The following PAIP1 variants were observed in gnomAD, a reference collection of about 807,000 sequenced individuals.
The protein encoded by PAIP1 is polyadenylate-binding protein-interacting protein 1.
A neutral mutation model predicts 61.3 loss-of-function variants in PAIP1; 16 were observed. The ratio of observed to expected loss-of-function variants is 0.26; its 90% CI spans 0.18 to 0.40. The LOEUF (loss-of-function observed/expected upper bound fraction) is 0.40. Ranked by LOEUF, PAIP1 falls within the 10% of genes least tolerant of loss-of-function variation. The pLI, the probability that PAIP1 is intolerant of heterozygous loss-of-function variation, is 1.00. For synonymous variants in PAIP1, 187 were observed against 226.2 expected (o/e 0.83, Z 1.56); for missense variants, 416 against 600.9 (o/e 0.69, Z 3.22).
At chr5:43,551,353 G>T (rs186362204) in intron 2 of PAIP1, among the ~76,000 whole-genome samples, 1 of 152,042 alleles carries the variant, frequency 6.6e-6, no homozygotes, top group Admixed American at 6.6e-5. Context: ...CATTAACAAG[G>T]AATTGGTTAA....
chr5:43,545,943 A>AT (rs985770197), intron 3 of PAIP1, among the ~76,000 whole-genome samples: 163 of 149,696 alleles, frequency 1.1e-3, no homozygotes, highest in Admixed American at 3.1e-3. Context: ...CTAATTTTGT[A>AT]TTTTTTTTTA....
Position 43,541,753 on chromosome 5 carries a change from AAGAAAACTAG to A in PAIP1, c.734+1241_734+1250del, listed in dbSNP as rs560916940. On this transcript the variant is annotated intron_variant, in intron 4 of 10. Transcript: ENST00000306846. ...CTTGTTACTGAAGACATCAAATTAT[AAGAAAACTAG>A]TTTTCTCTAAATTAGCTTATAAATT... 4.6e-3 allele frequency among the ~76,000 whole-genome samples: 532 copies of A among 116,376 alleles called. 3 individuals carry two copies. Among genetic ancestry groups the A allele is most frequent in the African/African-American group, 0.018 (521 of 29,056 alleles). 76.3% of individuals were successfully genotyped at this position (116,376 alleles called of 152,430 possible).
At chr5:43,538,485 C>T (rs1029134135) in intron 5 of PAIP1, among the ~76,000 whole-genome samples, 3 of 151,952 alleles carry the variant, frequency 2.0e-5, no homozygotes, top group African/African-American at 7.3e-5. Flanking sequence ...TTTTAAAAAA[C>T]TATTTGGGTG....
Position 43,555,973 on chromosome 5 carries a change from G to A in PAIP1, c.292C>T (p.Pro98Ser). The change falls in exon 2 of 11, where the codon CCT becomes TCT. Residue 98 changes from proline to serine, a missense_variant. By Grantham distance (74) the Pro-to-Ser change is moderately conservative. Coordinates refer to ENST00000306846, the MANE Select transcript of PAIP1 (RefSeq NM_006451.5). ...TGTGGGATTTTATCCTGTGAACTAG[G>A]TGGAGCTCTCAGGGGCCTCGTTTGC... ...PEQTRPLRAP[P>S]SSQDKIPQQN... 3 of 1,613,740 alleles carry A rather than the reference G, an allele frequency of 1.9e-6. No individual in the cohort carries two copies. Among genetic ancestry groups the A allele is most frequent in the Non-Finnish European group, 2.5e-6 (3 of 1,179,874 alleles).
At position 43,557,036 on chromosome 5, in the gene PAIP1, C is replaced by T; in HGVS notation, c.-190G>A. ...AGCGGACGGCAGCCCGAGCACCCGC[C>T]GCTCCAGAGCGCCCGCCCCGCTCGG... On this transcript the variant is annotated 5_prime_UTR_variant, in exon 1 of 11. Coordinates refer to ENST00000306846, the MANE Select transcript of PAIP1 (RefSeq NM_006451.5). The T allele has an allele frequency of 9.9e-7, 1 of 1,005,396 alleles. No homozygotes were observed. Among genetic ancestry groups the T allele is most frequent in the Non-Finnish European group, 1.3e-6 (1 of 778,406 alleles). 62.3% of individuals were successfully genotyped at this position (1,005,396 alleles called of 1,614,324 possible).
intron 4 of PAIP1, among the ~76,000 whole-genome samples, chr5:43,540,933 G>A (rs1471850964): frequency 6.6e-6 from 1 of 151,998 alleles, no homozygotes; most frequent in Non-Finnish European, 1.5e-5. Flanking sequence ...ACAGCCGGGG[G>A]TGAGAAGCAC....
Position 43,527,225 on chromosome 5 carries a change from A to G in PAIP1, c.*151T>C, listed in dbSNP as rs1746743134. The stretch of plus-strand genomic sequence containing the variant: ...TAGGGAATAAAGTTTATTTTGGCAG[A>G]TAGTGTTAAACAAAATTAAAGTTGC... On this transcript the variant is annotated 3_prime_UTR_variant, in exon 11 of 11. Transcript: ENST00000306846. The G allele has an allele frequency of 1.5e-5, 7 of 470,946 alleles. No individual in the cohort carries two copies. The highest frequency in any genetic ancestry group is 4.1e-5 in the Admixed American group (1 of 24,634). The allele number at this position is 470,946 out of a possible 1,614,324, so 29.2% of individuals were successfully genotyped here.
chr5:43,532,933 G>A (rs1316561220), intron 9 of PAIP1, among the ~76,000 whole-genome samples: 1 of 152,188 alleles, frequency 6.6e-6, no homozygotes, highest in Non-Finnish European at 1.5e-5. Context: ...CAAAAATTAA[G>A]TTTAATAAAA....
At chr5:43,546,179 T>C (rs1445420218) in intron 3 of PAIP1, among the ~76,000 whole-genome samples, 7 of 152,226 alleles carry the variant, frequency 4.6e-5, no homozygotes, top group African/African-American at 1.7e-4. Flanking sequence ...CTATGCATCA[T>C]TGATCATAGA....
rs1746709984 is a variant in PAIP1 at position 43,526,349 on chromosome 5, G to A, written c.*1027C>T. ...AACAAACAAGCAGAAAAGTGAGAAA[G>A]CTAACTGTATTAGCAGACACAGATG... On this transcript the variant is annotated 3_prime_UTR_variant, in exon 11 of 11. Coordinates refer to ENST00000306846, the MANE Select transcript of PAIP1 (RefSeq NM_006451.5). 1 of 152,370 alleles carries A rather than the reference G, an allele frequency of 6.6e-6. No homozygotes were observed. The highest frequency in any genetic ancestry group is 1.5e-5 in the Non-Finnish European group (1 of 67,970). 9.4% of individuals were successfully genotyped at this position (152,370 alleles called of 1,614,324 possible).
intron 7 of PAIP1, among the ~76,000 whole-genome samples, chr5:43,535,293 A>C (rs554430531): frequency 2.2e-4 from 33 of 152,330 alleles, no homozygotes; most frequent in Non-Finnish European, 4.0e-4. Context: ...TTCATATCTT[A>C]AGAAAATTAG....
chr5:43,550,883 T>TA (rs34340938), intron 2 of PAIP1, among the ~76,000 whole-genome samples: 75,886 of 137,636 alleles, frequency 0.55, 22,821 homozygotes, highest in African/African-American at 0.76. Flanking sequence ...TAGAGATTCT[T>TA]AGAGTTAATA....
At position 43,545,894 on chromosome 5, in the gene PAIP1, C is replaced by T. The variant is rs148380248; in HGVS notation, c.621+1834G>A. ...AAGCGATTCTCCTGCCTCAGCCTCCCGAGTAGCTGGGATCACAGGCATGCA... is the reference window on the plus strand; with the variant it reads ...AAGCGATTCTCCTGCCTCAGCCTCCTGAGTAGCTGGGATCACAGGCATGCA... On this transcript the variant is annotated intron_variant, in intron 3 of 10. Transcript: ENST00000306846. 5.5e-4 allele frequency among the ~76,000 whole-genome samples: 84 copies of T among 152,040 alleles called. 2 individuals carry two copies. Among genetic ancestry groups the T allele is most frequent in the African/African-American group, 1.8e-3 (76 of 41,466 alleles).
In PAIP1 at chr5:43,556,874, G is replaced by C. The variant is rs187350481; in HGVS notation, c.-28C>G. ...TCCTCCTCCTCCGCCTCCTCCTCCA[G>C]GGGCCGCTGCCGCTGCGCTCGCGAT... On this transcript the variant is annotated 5_prime_UTR_variant, in exon 1 of 11. Coordinates refer to ENST00000306846, the MANE Select transcript of PAIP1 (RefSeq NM_006451.5). 2.9e-6 allele frequency: 4 copies of C among 1,388,158 alleles called. No individual in the cohort carries two copies. The highest frequency in any genetic ancestry group is 3.7e-5 in the Admixed American group (1 of 26,684). 86.0% of individuals were successfully genotyped at this position (1,388,158 alleles called of 1,614,324 possible).
intron 2 of PAIP1, among the ~76,000 whole-genome samples, chr5:43,554,249 CAA>C (rs947817898): frequency 2.0e-5 from 3 of 152,124 alleles, no homozygotes; most frequent in African/African-American, 7.2e-5. Flanking sequence ...TAAAACAGCC[CAA>C]GTCAATAGGG....
chr5:43,552,642 G>A (rs1747907984), intron 2 of PAIP1, among the ~76,000 whole-genome samples: 2 of 152,136 alleles, frequency 1.3e-5, no homozygotes, highest in African/African-American at 4.8e-5. Flanking sequence ...AAATTCATAG[G>A]TTGAAATCTG....
At chr5:43,544,146 TAAAAAAAAAAAAAAA>T (rs568177939) in intron 3 of PAIP1, among the ~76,000 whole-genome samples, 5 of 72,686 alleles carry the variant, frequency 6.9e-5, no homozygotes, top group Non-Finnish European at 1.3e-4. Context: ...CCCATCTTTT[TAAAAAAAAAAAAAAA>T]AAAAAAAAAA....
In PAIP1 at chr5:43,541,915, G is replaced by C. The variant is rs537319850; in HGVS notation, c.734+1089C>G. ...TGACAGGCTGGGCGTGGTGGCTCAC[G>C]CCTGTAATCCCAGCACTTTGGGAGG... On this transcript the variant is annotated intron_variant, in intron 4 of 10. Transcript: ENST00000306846. Among the ~76,000 whole-genome samples, 7 of 152,102 alleles carry C rather than the reference G, an allele frequency of 4.6e-5. No homozygotes were observed. In the East Asian group the frequency reaches 1.4e-3, roughly 29 times the overall value.
At position 43,556,022 on chromosome 5, in the gene PAIP1, G is replaced by A. The variant is rs201032110; in HGVS notation, c.266-23C>T. On this transcript the variant is annotated intron_variant, in intron 1 of 10. Transcript: ENST00000306846. ...GCTCTGCAAAAGAAAAAAAAACGGG[G>A]CGTCAGATGCATTCTTTCCTTTGTA... 1.4e-4 allele frequency: 232 copies of A among 1,602,722 alleles called. No individual in the cohort carries two copies. The East Asian group carries it at 4.0e-3, about 28-fold the overall frequency.
Sources: gnomAD v4.1 joint callset for allele counts (sites outside exome capture counted in the v4.1 genomes callset) on GRCh38, gnomAD v4.1.1 for gene constraint, MANE v1.5 for transcripts, NCBI Gene and HGNC (gene_info 2026-07-23, HGNC 2026-07-21) for gene names.